The following GPHN variants were observed in gnomAD, a reference collection of about 807,000 sequenced individuals.
GPHN encodes the protein gephyrin.
In GPHN, 17 loss-of-function variants were observed where a neutral mutation model predicts 95.5. The ratio of observed to expected loss-of-function variants is 0.18; its 90% CI spans 0.12 to 0.27. The LOEUF (loss-of-function observed/expected upper bound fraction) is 0.27, where lower values mean the gene tolerates loss of function less well. Ranked by LOEUF, GPHN falls within the 10% of genes least tolerant of loss-of-function variation. GPHN has a pLI of 1.00. For missense variants in GPHN, 660 were observed against 978.1 expected, an observed-to-expected ratio of 0.67 and a Z score of 4.34; for synonymous variants, 320 against 322.5, an observed-to-expected ratio of 0.99 and a Z score of 0.08.
In GPHN at chr14:67,110,614, T is replaced by C. The variant is rs1292114190; in HGVS notation, c.1413+355T>C. ...ATACCTTCCAGAGCAGAGATATTAA[T>C]GGTTGACATACCTTCCAGCTGAGAA... On this transcript the variant is annotated intron_variant, in intron 14 of 22. Transcript: ENST00000478722. Among the ~76,000 whole-genome samples the C allele has an allele frequency of 3.3e-5, 5 of 152,166 alleles. 1 individual carries two copies. The highest frequency in any genetic ancestry group is 4.1e-4 in the South Asian group (2 of 4,826).
chr14:67,321,064 C>T, the GPHN span: 1 of 1,613,858 alleles, frequency 6.2e-7, no homozygotes, highest in African/African-American at 1.3e-5. Flanking sequence ...TAGATACAAC[C>T]CGGAGTAGGC....
chr14:67,723,559 G>C, the GPHN span, among the ~76,000 whole-genome samples: 2 of 152,140 alleles, frequency 1.3e-5, no homozygotes, highest in African/African-American at 2.4e-5. Flanking sequence ...TGATAAAGGA[G>C]GTTAAATGGA....
At chr14:66,956,675 A>T (rs1220562881) in intron 8 of GPHN, among the ~76,000 whole-genome samples, 1 of 151,858 alleles carries the variant, frequency 6.6e-6, no homozygotes, top group Non-Finnish European at 1.5e-5. Flanking sequence ...TGGCTGCATA[A>T]ATGTCTTCTT....
At chr14:66,888,692 A>G (rs2064322930) in intron 5 of GPHN, among the ~76,000 whole-genome samples, 1 of 152,184 alleles carries the variant, frequency 6.6e-6, no homozygotes, top group Non-Finnish European at 1.5e-5. Context: ...GCTATAAGGC[A>G]TATGGAAAAC....
At chr14:67,416,322 G>A in the GPHN span, among the ~76,000 whole-genome samples, 3 of 152,240 alleles carry the variant, frequency 2.0e-5, no homozygotes, top group Admixed American at 1.3e-4. Context: ...CGGCCAGCTA[G>A]AGGGACGTCC....
At chr14:66,995,795 G>A (rs1430608391) in intron 9 of GPHN, among the ~76,000 whole-genome samples, 1 of 152,124 alleles carries the variant, frequency 6.6e-6, no homozygotes, top group Non-Finnish European at 1.5e-5. Context: ...GAACGTGTAT[G>A]GTAGAGTTAT....
chr14:67,245,465 A>G, the GPHN span, among the ~76,000 whole-genome samples: 1 of 152,054 alleles, frequency 6.6e-6, no homozygotes. Flanking sequence ...ACTTTTGCCC[A>G]TTTTTAAATT....
the GPHN span, chr14:67,725,137 G>T: frequency 2.5e-6 from 4 of 1,614,148 alleles, no homozygotes; most frequent in South Asian, 1.1e-5. Context: ...TGTACTGAAG[G>T]GGGAGTCTGC....
intron 9 of GPHN, among the ~76,000 whole-genome samples, chr14:66,993,044 G>A (rs929263019): frequency 6.6e-6 from 1 of 152,102 alleles, no homozygotes; most frequent in African/African-American, 2.4e-5. Flanking sequence ...GTTGACGTAG[G>A]AATGGTTATA....
intron 3 of GPHN, among the ~76,000 whole-genome samples, chr14:66,785,923 T>A (rs1351508527): frequency 6.6e-6 from 1 of 152,116 alleles, no homozygotes; most frequent in South Asian, 2.1e-4. Flanking sequence ...GGAAAAATTA[T>A]ATGCAAAGCA....
At chr14:66,623,855 C>T (rs1190584299) in intron 1 of GPHN, among the ~76,000 whole-genome samples, 1 of 152,046 alleles carries the variant, frequency 6.6e-6, no homozygotes, top group African/African-American at 2.4e-5. Context: ...AAAGCTGAAC[C>T]CAGGGCTTGC....
chr14:67,610,409 C>T, the GPHN span, among the ~76,000 whole-genome samples: 1 of 152,148 alleles, frequency 6.6e-6, no homozygotes, highest in African/African-American at 2.4e-5. Context: ...AAGCCACATT[C>T]ATATGACATG....
intron 16 of GPHN, among the ~76,000 whole-genome samples, chr14:67,120,653 C>G: frequency 6.6e-6 from 1 of 152,150 alleles, no homozygotes; most frequent in East Asian, 1.9e-4. Context: ...ATTTTTCTTT[C>G]TAAAGCAACT....
intron 4 of GPHN, among the ~76,000 whole-genome samples, chr14:66,863,975 C>A (rs1271313480): frequency 6.6e-6 from 1 of 151,988 alleles, no homozygotes; most frequent in Non-Finnish European, 1.5e-5. Flanking sequence ...AATGGGATTA[C>A]AAATTTAAAA....
chr14:67,583,832 A>T, the GPHN span: 27 of 1,613,346 alleles, frequency 1.7e-5, no homozygotes, highest in East Asian at 5.6e-4. Context: ...CAGGTCCTAG[A>T]CAGGTTCCAC....
chr14:66,898,441 A>G (rs2064969067), intron 5 of GPHN, among the ~76,000 whole-genome samples: 3 of 135,178 alleles, frequency 2.2e-5, no homozygotes, highest in Admixed American at 8.4e-5. Context: ...TGTATGAACG[A>G]CCACTTGCTC....
At chr14:67,365,246 C>A in the GPHN span, among the ~76,000 whole-genome samples, 1 of 152,098 alleles carries the variant, frequency 6.6e-6, no homozygotes, top group Non-Finnish European at 1.5e-5. Flanking sequence ...AATTTTATTT[C>A]TAGTGTTTAT....
chr14:67,663,819 T>C, the GPHN span, among the ~76,000 whole-genome samples: 18,946 of 152,218 alleles, frequency 0.12, 1,217 homozygotes, highest in Admixed American at 0.14. Flanking sequence ...TTCTGGTTAG[T>C]CAGCGGGGTG....
intron 5 of GPHN, among the ~76,000 whole-genome samples, chr14:66,896,483 T>A (rs1399695629): frequency 6.6e-6 from 1 of 151,846 alleles, no homozygotes; most frequent in Non-Finnish European, 1.5e-5. Context: ...ACCAGCATGA[T>A]AGCACGTGCC....
Sources: allele counts gnomAD v4.1 joint callset (sites outside exome capture counted in the v4.1 genomes callset), GRCh38; gene constraint gnomAD v4.1.1; transcripts MANE v1.5; gene names NCBI Gene and HGNC (gene_info 2026-07-23, HGNC 2026-07-21).